Variants in ACOT11 observed in about 807,000 individuals in gnomAD.
The protein encoded by ACOT11 is acyl-coenzyme A thioesterase 11.
Under a neutral mutation model 77.5 loss-of-function variants are expected in ACOT11, and 69 were observed. The observed-to-expected ratio is 0.89, with a 90% confidence interval of 0.73 to 1.09. ACOT11 has a LOEUF of 1.09. Among genes scored for constraint, ACOT11 ranks in the 50% least tolerant of loss-of-function variants. The pLI, the probability that ACOT11 is intolerant of heterozygous loss-of-function variation, is 0.00. For synonymous variants in ACOT11, 279 were observed against 313.0 expected (o/e 0.89, Z 1.15); for missense variants, 766 against 813.7 (o/e 0.94, Z 0.71).
Position 54,608,010 on chromosome 1 carries a change from G to A in ACOT11, c.1571G>A (p.Arg524His), listed in dbSNP as rs756350557. The A allele has an allele frequency of 1.9e-5, 31 of 1,613,598 alleles. No homozygotes were observed. In the East Asian group the frequency reaches 2.5e-4, roughly 13 times the overall value. Residue 524 changes from arginine to histidine, a missense_variant, in exon 15 of 16, where the codon CGC becomes CAC. By Grantham distance (29) the Arg-to-His change is conservative (BLOSUM62 0). Transcript: ENST00000343744. ...CACCGAGAGACGCCAGAGTACAGAC[G>A]CGGAGAGACCCTCTGCTCAGGCTTC... The part of the protein sequence containing the change: ...PTHRETPEYR[R>H]GETLCSGFCL...
intron 1 of ACOT11, among the ~76,000 whole-genome samples, chr1:54,559,038 A>G (rs1653368793): frequency 6.6e-6 from 1 of 152,170 alleles, no homozygotes; most frequent in African/African-American, 2.4e-5. Context: ...GGAGGTGGGT[A>G]AAAGGCTCAG....
chr1:54,614,818 A>T (rs763682547), downstream of ACOT11: 1 of 1,614,088 alleles, frequency 6.2e-7, no homozygotes, highest in Non-Finnish European at 8.5e-7. Flanking sequence ...AGGTCCAGGG[A>T]GGGGCCCACT....
intron 1 of ACOT11, among the ~76,000 whole-genome samples, chr1:54,571,071 C>CTCTCTCTCTCTCTCTCTT (rs779276330): frequency 3.5e-5 from 5 of 141,830 alleles, no homozygotes; most frequent in African/African-American, 1.3e-4. Context: ...TTCTCTCTCT[C>CTCTCTCTCTCTCTCTCTT]TTTTTTTTTT....
Position 54,585,818 on chromosome 1 carries a change from T to C in ACOT11, c.242-17T>C. 7 of 1,613,850 alleles carry C rather than the reference T, an allele frequency of 4.3e-6. No homozygotes were observed. The highest frequency in any genetic ancestry group is 5.9e-6 in the Non-Finnish European group (7 of 1,179,862). Reference sequence around the variant, plus strand: ...GGGGGAGGCTGCTAATGTCTGGCTTTCTTCTGCTGACACCAGCGGAGAGGC... The same window carrying C: ...GGGGGAGGCTGCTAATGTCTGGCTTCCTTCTGCTGACACCAGCGGAGAGGC... On this transcript the variant is annotated splice_polypyrimidine_tract_variant and intron_variant, in intron 2 of 15. Transcript: ENST00000343744.
rs1654428611 is a variant in ACOT11 at position 54,584,537 on chromosome 1, G to A, written c.34-118G>A. 1 of 932,536 alleles carries A rather than the reference G, an allele frequency of 1.1e-6. No homozygotes were observed. Among genetic ancestry groups the A allele is most frequent in the African/African-American group, 1.6e-5 (1 of 60,836 alleles). 57.8% of individuals were successfully genotyped at this position (932,536 alleles called of 1,614,324 possible). ...CCACTCTCGGGTTGGGGTCTGGTGG[G>A]AGGTGGCCCTAGGTACTCTCTCTCC... On this transcript the variant is annotated intron_variant, in intron 1 of 15. Coordinates refer to ENST00000343744, the MANE Select transcript of ACOT11 (RefSeq NM_147161.4). This position sits in a 1 kb window ranked among gnomAD's most constrained non-coding sequence, Gnocchi z 6.3.
chr1:54,561,488 T>C (rs1249873354), intron 1 of ACOT11, among the ~76,000 whole-genome samples: 2 of 116,254 alleles, frequency 1.7e-5, no homozygotes, highest in Non-Finnish European at 3.4e-5. Context: ...ATGAAAAGTC[T>C]CCCATGTCTA....
At chr1:54,636,011 G>A (rs960427784) in exon 17 of ACOT11, 2 of 152,278 alleles carry the variant, frequency 1.3e-5, no homozygotes, top group Admixed American at 6.5e-5. Flanking sequence ...TGTCTTACGG[G>A]TGTGTTCCTG....
exon 17 of ACOT11, chr1:54,636,674 G>A (rs934828064): frequency 4.0e-5 from 6 of 150,822 alleles, no homozygotes; most frequent in South Asian, 4.2e-4. Flanking sequence ...TATGGGTGTC[G>A]GGCTGGGGGA....
intron 11 of ACOT11, 43 bp downstream of exon 11, chr1:54,603,980 G>A (rs749568355): frequency 1.5e-5 from 24 of 1,584,452 alleles, no homozygotes; most frequent in Non-Finnish European, 2.0e-5. Flanking sequence ...AGACCCACCG[G>A]GCCCCCACCC....
intron 1 of ACOT11, chr1:54,573,297 C>T (rs773271989): frequency 1.1e-6 from 1 of 943,138 alleles, no homozygotes; most frequent in Non-Finnish European, 1.3e-6. Flanking sequence ...TCAGCTCTGC[C>T]CTTTCCTGGC....
chr1:54,578,845 GA>G lies in ACOT11; in HGVS notation c.34-5800del, dbSNP rs61293546. Reference sequence around the variant, plus strand: ...AATAAAATATTTAATTTATGATCTTGAAAAAAAAAAGAATTGCTAGGGTAAT... The same window carrying G: ...AATAAAATATTTAATTTATGATCTTGAAAAAAAAAGAATTGCTAGGGTAAT... On this transcript the variant is annotated intron_variant, in intron 1 of 15. Coordinates refer to ENST00000343744, the MANE Select transcript of ACOT11 (RefSeq NM_147161.4). 9.1e-3 allele frequency among the ~76,000 whole-genome samples: 1,336 copies of G among 146,574 alleles called. 21 individuals are homozygous for G. Among genetic ancestry groups the G allele is most frequent in the African/African-American group, 0.025 (1,020 of 40,304 alleles).
At chr1:54,638,894 G>A (rs1374921176) in exon 17 of ACOT11, 1 of 152,098 alleles carries the variant, frequency 6.6e-6, no homozygotes, top group Non-Finnish European at 1.5e-5. Context: ...TGAATGTTAA[G>A]AATAGATGTA....
intron 2 of ACOT11, 151 bp downstream of exon 2, chr1:54,585,013 TC>T (rs2100979432): frequency 1.2e-6 from 1 of 864,896 alleles, no homozygotes; most frequent in East Asian, 2.7e-5. Flanking sequence ...GAAATGCCCT[TC>T]CTGATGTCTC....
At position 54,607,293 on chromosome 1, in the gene ACOT11, G is replaced by T; in HGVS notation, c.1502+28G>T. On this transcript the variant is annotated intron_variant, in intron 14 of 15. Coordinates refer to ENST00000343744, the MANE Select transcript of ACOT11 (RefSeq NM_147161.4). The surrounding 1 kb of genome is among the most constrained non-coding windows in gnomAD (Gnocchi z 4.5). Reference sequence around the variant, plus strand: ...GTGTGCCTATCTGCTGTGGGGTGGGGGACACAACTGGACAGGGTGGTAGGG... The same window carrying T: ...GTGTGCCTATCTGCTGTGGGGTGGGTGACACAACTGGACAGGGTGGTAGGG... 6.2e-7 allele frequency: 1 copy of T among 1,612,362 alleles called. No individual in the cohort carries two copies. Among genetic ancestry groups the T allele is most frequent in the South Asian group, 1.1e-5 (1 of 91,054 alleles).
rs393750 is a variant in ACOT11, at chr1:54,567,186, C to T, written c.34-17469C>T. Among the ~76,000 whole-genome samples, 24 of 152,094 alleles carry T rather than the reference C, an allele frequency of 1.6e-4. No homozygotes were observed. The South Asian group carries it at 4.8e-3, about 30-fold the overall frequency. ...TTCTTGTCCCCTACTTATTTCTACACTGATCTCCCCAACTCAGTAACCAGT... is the reference window on the plus strand; with the variant it reads ...TTCTTGTCCCCTACTTATTTCTACATTGATCTCCCCAACTCAGTAACCAGT... On this transcript the variant is annotated intron_variant, in intron 1 of 15. Transcript: ENST00000343744.
Position 54,584,738 on chromosome 1 carries a change from G to C in ACOT11, c.117G>C (p.Glu39Asp). The change falls in exon 2 of 16, where the codon GAG (glutamate) becomes GAC (aspartate). Residue 39 changes from glutamate (E) to aspartate (D), a missense_variant. Coordinates refer to ENST00000343744, the MANE Select transcript of ACOT11 (RefSeq NM_147161.4). The surrounding 1 kb of genome is among the most constrained non-coding windows in gnomAD (Gnocchi z 6.3). Reference sequence around the variant, plus strand: ...ACGACAGTGCCATGGCAGACGGCGAGGGATACCGGAACCCCACGGAGGTGC... The same window carrying C: ...ACGACAGTGCCATGGCAGACGGCGACGGATACCGGAACCCCACGGAGGTGC... Reference protein sequence around the residue: ...AGNDSAMADGEGYRNPTEVQM... With the variant: ...AGNDSAMADGDGYRNPTEVQM... 1.2e-6 allele frequency: 2 copies of C among 1,614,164 alleles called. No individual in the cohort carries two copies. The highest frequency in any genetic ancestry group is 1.7e-6 in the Non-Finnish European group (2 of 1,180,042).
chr1:54,583,417 A>G (rs1654389249), intron 1 of ACOT11, among the ~76,000 whole-genome samples: 1 of 152,176 alleles, frequency 6.6e-6, no homozygotes, highest in Non-Finnish European at 1.5e-5. Flanking sequence ...TCTAAGGAGT[A>G]TACACCAGGT....
At chr1:54,557,092 A>T (rs915005931) in intron 1 of ACOT11, among the ~76,000 whole-genome samples, 9 of 151,914 alleles carry the variant, frequency 5.9e-5, no homozygotes, top group South Asian at 4.2e-4. Context: ...TAAAAAAATT[A>T]AAAAAAATTT....
chr1:54,561,090 T>G (rs1027667331), intron 1 of ACOT11, among the ~76,000 whole-genome samples: 1 of 128,948 alleles, frequency 7.8e-6, no homozygotes. Flanking sequence ...TTATTTTTTT[T>G]ATTTTTTTTT....
Sources: allele counts gnomAD v4.1 joint callset (sites outside exome capture counted in the v4.1 genomes callset), GRCh38; gene constraint gnomAD v4.1.1; non-coding constraint Gnocchi (gnomAD v3.1); transcripts MANE v1.5; gene names NCBI Gene and HGNC (gene_info 2026-07-23, HGNC 2026-07-21).